The following GC variants were observed in gnomAD, a reference collection of about 807,000 sequenced individuals.
The protein encoded by GC is GC vitamin D binding protein, also known as vitamin D-binding protein.
GC carries 43 observed loss-of-function variants against 56.7 expected under a neutral mutation model. The ratio of observed to expected loss-of-function variants is 0.76; its 90% confidence interval spans 0.59 to 0.98. The LOEUF (loss-of-function observed/expected upper bound fraction) is 0.98. GC is among the 50% of genes least tolerant of loss of function. The pLI, the probability that GC is intolerant of heterozygous loss-of-function variation, is 0.00. For synonymous variants in GC, 216 were observed against 202.7 expected (o/e 1.07, Z -0.56); for missense variants, 529 against 545.9 (o/e 0.97, Z 0.31).
chr4:71,757,812 A>C (rs1034493306), intron 7 of GC, among the ~76,000 whole-genome samples: 1 of 152,208 alleles, frequency 6.6e-6, no homozygotes. Context: ...TCATCTTTGC[A>C]TATGGACTTT....
rs139171335 is a variant in GC, at chr4:71,768,343, G to C, written c.219C>G (p.Ala73=). The part of the protein sequence containing the change: ...LVKEVVSLTE[A]CCAEGADPDC... ...CAGGGTCAGCCCCTTCCGCACAGCAGGCTTCGGTCAAGGAGACAACTTCCT... is the reference window on the plus strand; with the variant it reads ...CAGGGTCAGCCCCTTCCGCACAGCACGCTTCGGTCAAGGAGACAACTTCCT... The change falls in exon 3 of 13, where the codon GCC becomes GCG. Residue 73 remains alanine (A), a synonymous_variant. Transcript: ENST00000273951. The C allele has an allele frequency of 6.2e-7, 1 of 1,613,330 alleles. No homozygotes were observed. Among genetic ancestry groups the C allele is most frequent in the African/African-American group, 1.3e-5 (1 of 74,910 alleles).
chr4:71,785,684 C>A (rs191833916), upstream of GC, among the ~76,000 whole-genome samples: 41 of 151,896 alleles, frequency 2.7e-4, no homozygotes, highest in African/African-American at 9.4e-4. Flanking sequence ...GATCAACTTC[C>A]TGATTACTAT....
At chr4:71,780,325 C>T (rs1742633237) in intron 1 of GC, among the ~76,000 whole-genome samples, 1 of 152,080 alleles carries the variant, frequency 6.6e-6, no homozygotes, top group Non-Finnish European at 1.5e-5. Flanking sequence ...TAGGTGTGGA[C>T]AAGGACTTCA....
Position 71,774,204 on chromosome 4 carries a change from A to C in GC, c.59-4804T>G, listed in dbSNP as rs560496238. Among the ~76,000 whole-genome samples, 9 of 152,200 alleles carry C rather than the reference A, an allele frequency of 5.9e-5. No homozygotes were observed. In the South Asian group the frequency reaches 1.0e-3, roughly 18 times the overall value. ...GAAGTTAACTGTACCTCTTAGGATG[A>C]TATCAGTGCAACAAATTGAGCGTCC... On this transcript the variant is annotated intron_variant, in intron 1 of 12. Coordinates refer to ENST00000273951, the MANE Select transcript of GC (RefSeq NM_000583.4).
chr4:71,799,141 T>A (rs1743186061), intron 1 of GC, among the ~76,000 whole-genome samples: 1 of 152,176 alleles, frequency 6.6e-6, no homozygotes, highest in Non-Finnish European at 1.5e-5. Context: ...TTAAAAGGAA[T>A]CATTTCAAGT....
At chr4:71,769,879 G>A (rs924500309) in intron 1 of GC, among the ~76,000 whole-genome samples, 1 of 152,144 alleles carries the variant, frequency 6.6e-6, no homozygotes, top group African/African-American at 2.4e-5. Flanking sequence ...TGAGGGGCTG[G>A]TGCCACTAAT....
chr4:71,763,563 G>A (rs1742055661), intron 5 of GC, 61 bp from the exon 6 acceptor site: 2 of 941,032 alleles, frequency 2.1e-6, no homozygotes, highest in South Asian at 2.9e-5. Context: ...CTGTATAAAT[G>A]GCAAAAATAG....
At chr4:71,755,462 C>T (rs1055528671) in intron 8 of GC, among the ~76,000 whole-genome samples, 1 of 152,006 alleles carries the variant, frequency 6.6e-6, no homozygotes, top group African/African-American at 2.4e-5. Flanking sequence ...TGTGCCTGGC[C>T]TACATTTTAA....
chr4:71,752,080 A>G (rs1398348308), intron 11 of GC, among the ~76,000 whole-genome samples: 2 of 152,070 alleles, frequency 1.3e-5, no homozygotes, highest in Non-Finnish European at 1.5e-5. Context: ...ATATATGCAT[A>G]TGTATGTATC....
At chr4:71,786,528 G>C (rs1742843018), upstream of GC, among the ~76,000 whole-genome samples, 1 of 151,600 alleles carries the variant, frequency 6.6e-6, no homozygotes, top group Non-Finnish European at 1.5e-5. Context: ...GTAGAATTTT[G>C]CAGGAGCTGT....
At chr4:71,748,967 C>A (rs1264056262) in intron 11 of GC, among the ~76,000 whole-genome samples, 1 of 151,914 alleles carries the variant, frequency 6.6e-6, no homozygotes, top group Non-Finnish European at 1.5e-5. Context: ...AATTAGGATC[C>A]AAATATTATA....
At chr4:71,798,938 TACA>T (rs1309410838) in intron 1 of GC, among the ~76,000 whole-genome samples, 2 of 152,222 alleles carry the variant, frequency 1.3e-5, no homozygotes, top group Non-Finnish European at 2.9e-5. Flanking sequence ...ATAATTTAAA[TACA>T]AAACATTCAC....
chr4:71,804,293 A>G (rs113774006), upstream of GC, among the ~76,000 whole-genome samples: 1 of 152,298 alleles, frequency 6.6e-6, no homozygotes, highest in East Asian at 1.9e-4. Flanking sequence ...CTTTTATTCA[A>G]TACAGACATA....
At chr4:71,757,160 C>A (rs1741805582) in intron 7 of GC, among the ~76,000 whole-genome samples, 1 of 152,030 alleles carries the variant, frequency 6.6e-6, no homozygotes, top group African/African-American at 2.4e-5. Context: ...ACGACAACAA[C>A]TATAAGGCTA....
intron 11 of GC, among the ~76,000 whole-genome samples, chr4:71,747,719 T>A (rs1741419395): frequency 6.6e-6 from 1 of 152,030 alleles, no homozygotes; most frequent in African/African-American, 2.4e-5. Flanking sequence ...ATCTTGGCTG[T>A]AAGGGAGGAG....
At chr4:71,768,481 T>C in intron 2 of GC, 48 bp from the exon 3 acceptor site, 3 of 1,550,956 alleles carry the variant, frequency 1.9e-6, no homozygotes, top group South Asian at 1.2e-5. Flanking sequence ...AAAGGTTTTT[T>C]TTTTTGAGAC....
intron 1 of GC, among the ~76,000 whole-genome samples, chr4:71,803,486 A>G (rs529505680): frequency 2.0e-5 from 3 of 152,298 alleles, no homozygotes; most frequent in South Asian, 2.1e-4. Context: ...TTTTTATTCA[A>G]GGTATTGTCA....
rs796591493 is a variant in GC at position 71,774,573 on chromosome 4, C to T, written c.59-5173G>A. 9.9e-5 allele frequency among the ~76,000 whole-genome samples: 15 copies of T among 151,902 alleles called. 1 individual carries two copies. Among genetic ancestry groups the T allele is most frequent in the Admixed American group, 2.6e-4 (4 of 15,228 alleles). On this transcript the variant is annotated intron_variant, in intron 1 of 12. Transcript: ENST00000273951. Reference sequence around the variant, plus strand: ...TGATATCCCCTGCATTTAATTTGGACGCTTAGAACACATTGAAGCACTTAG... The same window carrying T: ...TGATATCCCCTGCATTTAATTTGGATGCTTAGAACACATTGAAGCACTTAG...
At chr4:71,766,132 G>A (rs2149300997) in intron 3 of GC, among the ~76,000 whole-genome samples, 1 of 152,242 alleles carries the variant, frequency 6.6e-6, no homozygotes, top group Non-Finnish European at 1.5e-5. Flanking sequence ...ACTCTTGATT[G>A]CTGGTTCCTT....
Sources: gnomAD v4.1 joint callset for allele counts (sites outside exome capture counted in the v4.1 genomes callset) on GRCh38, gnomAD v4.1.1 for gene constraint, MANE v1.5 for transcripts, NCBI Gene and HGNC (gene_info 2026-07-23, HGNC 2026-07-21) for gene names.